VTI1A: variants seen among roughly 807,000 people sequenced by gnomAD.
VTI1A encodes the protein vesicle transport through interaction with t-SNAREs 1A, also known as vesicle transport through interaction with t-SNAREs homolog 1A.
Under a neutral mutation model 34.9 loss-of-function variants are expected in VTI1A, and 22 were observed. The ratio of observed to expected loss-of-function variants is 0.63; its 90% CI spans 0.45 to 0.90. VTI1A has a LOEUF of 0.90. VTI1A is among the 40% of genes least tolerant of loss of function. The pLI is 0.00. For synonymous variants in VTI1A, 87 were observed against 97.3 expected, an observed-to-expected ratio of 0.89 and a Z score of 0.62; for missense variants, 268 against 275.6, an observed-to-expected ratio of 0.97 and a Z score of 0.20.
intron 7 of VTI1A, among the ~76,000 whole-genome samples, chr10:112,717,929 C>G (rs1362512309): frequency 6.6e-6 from 1 of 152,136 alleles, no homozygotes; most frequent in Non-Finnish European, 1.5e-5. Context: ...TTTAAGTTAC[C>G]TAAAAATTAA....
rs568317822 is a variant in VTI1A at position 112,744,436 on chromosome 10, A to G, written c.561-70854A>G. ...TATGGAACATATGGCATATGCTTAC[A>G]TGCTTACATTTTCTTCTTCTTCCTT... On this transcript the variant is annotated intron_variant, in intron 7 of 7. Transcript: ENST00000393077. 2.7e-5 allele frequency among the ~76,000 whole-genome samples: 4 copies of G among 150,044 alleles called. No homozygotes were observed. The South Asian group carries it at 8.5e-4, about 32-fold the overall frequency.
chr10:112,653,892 T>C (rs1847129903), intron 5 of VTI1A, among the ~76,000 whole-genome samples: 1 of 152,202 alleles, frequency 6.6e-6, no homozygotes, highest in South Asian at 2.1e-4. Context: ...GGAAGTTTGG[T>C]AAAAGACTCA....
intron 5 of VTI1A, among the ~76,000 whole-genome samples, chr10:112,649,636 G>A (rs1846933491): frequency 6.6e-6 from 1 of 152,090 alleles, no homozygotes; most frequent in Non-Finnish European, 1.5e-5. Context: ...CTTAATGATG[G>A]GGATGCATTC....
chr10:112,739,636 G>A (rs1850621580), intron 7 of VTI1A, among the ~76,000 whole-genome samples: 2 of 152,218 alleles, frequency 1.3e-5, no homozygotes, highest in Admixed American at 1.3e-4. Flanking sequence ...ATGTGCCCTT[G>A]TCTCTGCTGT....
chr10:112,842,495 G>A, the VTI1A span, among the ~76,000 whole-genome samples: 2 of 152,348 alleles, frequency 1.3e-5, no homozygotes, highest in African/African-American at 2.4e-5. Flanking sequence ...AACTGGTCCA[G>A]GTCAGCAGGC....
chr10:112,627,066 G>T (rs1222857125), intron 5 of VTI1A, among the ~76,000 whole-genome samples: 1 of 152,206 alleles, frequency 6.6e-6, no homozygotes, highest in African/African-American at 2.4e-5. Context: ...TTAAATATAT[G>T]TTGATTCAGT....
intron 5 of VTI1A, among the ~76,000 whole-genome samples, chr10:112,647,054 C>G (rs1846820545): frequency 6.6e-6 from 1 of 152,118 alleles, no homozygotes; most frequent in Non-Finnish European, 1.5e-5. Flanking sequence ...AAAATTTGCC[C>G]CCACAGGCAA....
At position 112,691,262 on chromosome 10, in the gene VTI1A, A is replaced by AAAATAAATAAAT. The variant is rs67534865; in HGVS notation, c.560+22297_560+22308dup. On this transcript the variant is annotated intron_variant, in intron 7 of 7. Transcript: ENST00000393077. ...GGCAACAGAATGAGACTCTGCCTCA[A>AAAATAAATAAAT]AAATAAATAAATAAATAAATAAATA... Among the ~76,000 whole-genome samples, 1,008 of 140,264 alleles carry AAAATAAATAAAT rather than the reference A, an allele frequency of 7.2e-3. 12 individuals are homozygous for AAAATAAATAAAT. The highest frequency in any genetic ancestry group is 8.3e-3 in the African/African-American group (314 of 37,998). 92.0% of individuals were successfully genotyped at this position (140,264 alleles called of 152,430 possible). A position where few individuals can be genotyped will look rare whatever the true frequency, so the allele number is the denominator to read the frequency against.
intron 7 of VTI1A, among the ~76,000 whole-genome samples, chr10:112,769,808 G>A (rs943883465): frequency 1.3e-5 from 2 of 152,136 alleles, no homozygotes; most frequent in African/African-American, 2.4e-5. Context: ...GTAGGAATCT[G>A]GGAAATAACC....
At chr10:112,446,996 G>C (rs3824624), upstream of VTI1A, 161,869 of 252,052 alleles carry the variant, frequency 0.64, 53,505 homozygotes, top group Admixed American at 0.7. Context: ...GAAGCAAGCT[G>C]CTGTGCCTTG....
chr10:112,496,848 T>A (rs1849042977), intron 3 of VTI1A, among the ~76,000 whole-genome samples: 1 of 152,214 alleles, frequency 6.6e-6, no homozygotes, highest in Non-Finnish European at 1.5e-5. Flanking sequence ...GAGTTTTTTT[T>A]ATACCTCTTT....
intron 5 of VTI1A, among the ~76,000 whole-genome samples, chr10:112,566,206 G>C (rs576738275): frequency 2.4e-4 from 36 of 152,046 alleles, no homozygotes; most frequent in African/African-American, 8.0e-4. Context: ...GAACTGATTT[G>C]TTATTATTAT....
intron 7 of VTI1A, chr10:112,752,318 C>T (rs187533491): frequency 5.4e-4 from 522 of 968,804 alleles, no homozygotes; most frequent in Non-Finnish European, 6.1e-4. Context: ...ATACTGATTC[C>T]ATTTTGTCCT....
chr10:112,776,837 C>T (rs1851968507), intron 7 of VTI1A, among the ~76,000 whole-genome samples: 1 of 152,036 alleles, frequency 6.6e-6, no homozygotes, highest in East Asian at 1.9e-4. Context: ...ACCACCACGC[C>T]TGGCTAATTT....
intron 1 of VTI1A, among the ~76,000 whole-genome samples, chr10:112,458,634 A>G (rs1306711329): frequency 1.3e-5 from 2 of 150,708 alleles, no homozygotes; most frequent in African/African-American, 4.9e-5. Flanking sequence ...TTAGTGAAAT[A>G]ATTATATATA....
At position 112,614,515 on chromosome 10, in the gene VTI1A, G is replaced by A. The variant is rs576168716; in HGVS notation, c.428-53703G>A. On this transcript the variant is annotated intron_variant, in intron 5 of 7. Transcript: ENST00000393077. The stretch of plus-strand genomic sequence containing the variant: ...GGCTCACCAACTTAGTCTCTTATAA[G>A]AAATTATCTTTAAAAGGGGATTCTC... Among the ~76,000 whole-genome samples the A allele has an allele frequency of 3.3e-5, 5 of 152,228 alleles. No individual in the cohort carries two copies. In the South Asian group the frequency reaches 1.0e-3, roughly 32 times the overall value.
chr10:112,760,750 ATGG>A (rs1851433190), intron 7 of VTI1A, among the ~76,000 whole-genome samples: 1 of 152,026 alleles, frequency 6.6e-6, no homozygotes, highest in Non-Finnish European at 1.5e-5. Flanking sequence ...TTAGCTGGGC[ATGG>A]TGGTGTGCGC....
intron 4 of VTI1A, among the ~76,000 whole-genome samples, chr10:112,532,663 G>C (rs141437125): frequency 6.6e-6 from 1 of 152,210 alleles, no homozygotes; most frequent in African/African-American, 2.4e-5. Context: ...GAATTAAAAT[G>C]TTATCATAGG....
chr10:112,453,662 C>CT, intron 1 of VTI1A, among the ~76,000 whole-genome samples: 1 of 151,714 alleles, frequency 6.6e-6, no homozygotes, highest in East Asian at 1.9e-4. Flanking sequence ...ATCATTTTGG[C>CT]TTTTTTCTTT....
Sources: allele counts gnomAD v4.1 joint callset (sites outside exome capture counted in the v4.1 genomes callset), GRCh38; gene constraint gnomAD v4.1.1; transcripts MANE v1.5; gene names NCBI Gene and HGNC (gene_info 2026-07-23, HGNC 2026-07-21).